The following TIAM1 variants were observed in gnomAD, a reference collection of about 807,000 sequenced individuals.
The protein encoded by TIAM1 is TIAM Rac1 associated GEF 1.
Under a neutral mutation model 163.5 loss-of-function variants are expected in TIAM1, and 65 were observed. That is an observed-to-expected ratio of 0.40 (90% CI 0.33 to 0.49). The LOEUF (loss-of-function observed/expected upper bound fraction) is 0.49. TIAM1 is among the 20% of genes least tolerant of loss of function. TIAM1 has a pLI of 0.77. For synonymous variants in TIAM1, 833 were observed against 810.1 expected (o/e 1.03, Z -0.48); for missense variants, 1,789 against 2,044.7 (o/e 0.87, Z 2.41).
intron 2 of TIAM1, among the ~76,000 whole-genome samples, chr21:31,279,350 G>A (rs928078933): frequency 1.2e-4 from 19 of 152,180 alleles, no homozygotes; most frequent in Non-Finnish European, 2.4e-4. Flanking sequence ...CAACAAGTAC[G>A]TATCCATTTC....
chr21:31,557,898 G>C (rs540715062), intron 1 of TIAM1, among the ~76,000 whole-genome samples: 3 of 152,228 alleles, frequency 2.0e-5, no homozygotes, highest in Admixed American at 6.5e-5. Flanking sequence ...CCCCAGGCTG[G>C]GACACGGGCG....
At chr21:31,485,602 G>C (rs554767405) in intron 1 of TIAM1, among the ~76,000 whole-genome samples, 6 of 152,144 alleles carry the variant, frequency 3.9e-5, no homozygotes, top group Admixed American at 3.3e-4. Flanking sequence ...AGCCGCCATT[G>C]TATCAGGAAC....
At chr21:31,425,787 C>T (rs1019828446) in intron 2 of TIAM1, among the ~76,000 whole-genome samples, 4 of 151,932 alleles carry the variant, frequency 2.6e-5, no homozygotes, top group African/African-American at 4.8e-5. Flanking sequence ...ACCTCCGCCT[C>T]GCAGGTTCAA....
At chr21:31,471,992 T>C (rs1209317260) in intron 1 of TIAM1, among the ~76,000 whole-genome samples, 1 of 152,024 alleles carries the variant, frequency 6.6e-6, no homozygotes, top group Admixed American at 6.6e-5. Flanking sequence ...CCATCTCCCA[T>C]GCTGTGGTCC....
chr21:31,337,938 C>G (rs2075897695), intron 2 of TIAM1, among the ~76,000 whole-genome samples: 1 of 152,132 alleles, frequency 6.6e-6, no homozygotes, highest in African/African-American at 2.4e-5. Flanking sequence ...TTTGGCTCCG[C>G]TCTCTGTTGG....
chr21:31,302,388 C>T (rs145447068), intron 2 of TIAM1, among the ~76,000 whole-genome samples: 5 of 152,204 alleles, frequency 3.3e-5, no homozygotes, highest in Middle Eastern at 3.4e-3. Context: ...GTCTTAAGGA[C>T]CTTCAGATTC....
chr21:31,466,619 C>A (rs571031352), intron 1 of TIAM1, among the ~76,000 whole-genome samples: 14 of 152,148 alleles, frequency 9.2e-5, no homozygotes, highest in African/African-American at 3.1e-4. Context: ...GAGGTGGTGC[C>A]CAAGGCAACA....
chr21:31,280,205 A>G (rs1253720439), intron 2 of TIAM1, among the ~76,000 whole-genome samples: 1 of 152,108 alleles, frequency 6.6e-6, no homozygotes. Flanking sequence ...TCTCATCTTG[A>G]ATTGTAACTC....
At chr21:31,154,461 C>A in intron 16 of TIAM1, 35 bp from the exon 17 acceptor site, 2 of 1,595,114 alleles carry the variant, frequency 1.3e-6, no homozygotes, top group South Asian at 1.1e-5. Context: ...AGGCAGAGGT[C>A]ATTATCCCTC....
intron 2 of TIAM1, among the ~76,000 whole-genome samples, chr21:31,380,933 G>T (rs1463746812): frequency 1.3e-5 from 2 of 152,158 alleles, no homozygotes; most frequent in Non-Finnish European, 2.9e-5. Flanking sequence ...CCTCCCCCAA[G>T]CCCCAGCTTC....
intron 2 of TIAM1, among the ~76,000 whole-genome samples, chr21:31,295,009 G>A (rs1006477271): frequency 2.6e-5 from 4 of 152,282 alleles, no homozygotes; most frequent in Admixed American, 6.5e-5. Flanking sequence ...AGATCCTGAC[G>A]CTAGTTTTCA....
At chr21:31,250,151 G>GAAAA (rs755928120) in intron 5 of TIAM1, among the ~76,000 whole-genome samples, 13 of 58,858 alleles carry the variant, frequency 2.2e-4, no homozygotes, top group East Asian at 5.3e-4. Context: ...GTCTCAAACA[G>GAAAA]AAAAAAAAAA....
At chr21:31,311,356 T>C (rs1055252797) in intron 2 of TIAM1, among the ~76,000 whole-genome samples, 4 of 152,220 alleles carry the variant, frequency 2.6e-5, no homozygotes, top group Non-Finnish European at 2.9e-5. Context: ...CATTACCCAA[T>C]GAAAGACTAA....
At chr21:31,488,917 A>G (rs753540211) in intron 1 of TIAM1, among the ~76,000 whole-genome samples, 4 of 152,114 alleles carry the variant, frequency 2.6e-5, no homozygotes, top group Non-Finnish European at 4.4e-5. Flanking sequence ...GCAGCTATTC[A>G]TAAGTGGCAA....
rs1338370871 is a variant in TIAM1, at chr21:31,126,364, C to T, written c.4133+701G>A. Among the ~76,000 whole-genome samples the T allele has an allele frequency of 3.9e-5, 6 of 152,114 alleles. 1 individual carries two copies. The South Asian group carries it at 8.3e-4, about 21-fold the overall frequency. On this transcript the variant is annotated intron_variant, in intron 26 of 27. Transcript: ENST00000541036. ...CAGGCAGACCACGATGTCAGGAGAT[C>T]GAGACCATCCTGGCTAACATGGTGA...
intron 1 of TIAM1, among the ~76,000 whole-genome samples, chr21:31,478,227 T>C (rs1259810105): frequency 6.6e-6 from 1 of 152,234 alleles, no homozygotes; most frequent in Non-Finnish European, 1.5e-5. Flanking sequence ...GTAAACTTTT[T>C]ATTGGGCAAA....
At chr21:31,468,250 C>T (rs984773788) in intron 1 of TIAM1, among the ~76,000 whole-genome samples, 9 of 151,430 alleles carry the variant, frequency 5.9e-5, no homozygotes, top group Non-Finnish European at 1.0e-4. Flanking sequence ...CCAAGGCAGG[C>T]GGATCACTGG....
chr21:31,342,187 A>G (rs182031767), intron 1 of TIAM1, among the ~76,000 whole-genome samples: 11 of 152,238 alleles, frequency 7.2e-5, no homozygotes, highest in Admixed American at 5.9e-4. Flanking sequence ...GCACATGCCT[A>G]TAGTCCTAGC....
chr21:31,375,935 G>A (rs2076677242), intron 2 of TIAM1, among the ~76,000 whole-genome samples: 1 of 152,140 alleles, frequency 6.6e-6, no homozygotes, highest in Admixed American at 6.5e-5. Flanking sequence ...GCTGAGGCAG[G>A]AGAATCACTG....
Sources: allele counts gnomAD v4.1 joint callset (sites outside exome capture counted in the v4.1 genomes callset), GRCh38; gene constraint gnomAD v4.1.1; transcripts MANE v1.5; gene names NCBI Gene and HGNC (gene_info 2026-07-23, HGNC 2026-07-21).